The following VPS37C variants were observed in gnomAD, a reference collection of about 807,000 sequenced individuals.
VPS37C encodes the protein VPS37C subunit of ESCRT-I, also known as vacuolar protein sorting-associated protein 37C.
A neutral mutation model predicts 16.1 loss-of-function variants in VPS37C; 9 were observed. The ratio of observed to expected loss-of-function variants is 0.56; its 90% CI spans 0.34 to 0.97. VPS37C has a LOEUF of 0.97. Among genes scored for constraint, VPS37C ranks in the 50% least tolerant of loss-of-function variants. VPS37C has a pLI of 0.02. For synonymous variants in VPS37C, 207 were observed against 206.4 expected (o/e 1.00, Z -0.02); for missense variants, 479 against 472.7 (o/e 1.01, Z -0.12).
At chr11:61,144,920 A>T (rs1258286500) in intron 1 of VPS37C, 2 of 152,272 alleles carry the variant, frequency 1.3e-5, no homozygotes, top group African/African-American at 2.4e-5. Context: ...AACATGTCCC[A>T]AATGAGGAGT....
chr11:61,145,868 G>A (rs1251261118), intron 1 of VPS37C, among the ~76,000 whole-genome samples: 1 of 152,210 alleles, frequency 6.6e-6, no homozygotes, highest in Non-Finnish European at 1.5e-5. Flanking sequence ...AACTACCTGG[G>A]CCCCTCAGTA....
intron 1 of VPS37C, among the ~76,000 whole-genome samples, chr11:61,139,963 G>A (rs986169895): frequency 3.3e-5 from 5 of 152,082 alleles, no homozygotes; most frequent in Non-Finnish European, 5.9e-5. Flanking sequence ...GGCTGGTCTC[G>A]AACTACTGGG....
At chr11:61,155,267 T>A (rs1225968053) in intron 1 of VPS37C, among the ~76,000 whole-genome samples, 1 of 152,138 alleles carries the variant, frequency 6.6e-6, no homozygotes, top group East Asian at 1.9e-4. Context: ...TAGGATCACT[T>A]GAGGCCAGGA....
At position 61,130,393 on chromosome 11, in the gene VPS37C, T is replaced by G. The variant is rs1861230627; in HGVS notation, c.*1427A>C. On this transcript the variant is annotated 3_prime_UTR_variant, in exon 5 of 5. Transcript: ENST00000301765. ...AAATAACTTAGGAGAAGCAAGCACATTTGGTAAAGAACCGGCAGCGCTGAC... is the reference window on the plus strand; with the variant it reads ...AAATAACTTAGGAGAAGCAAGCACAGTTGGTAAAGAACCGGCAGCGCTGAC... 6.3e-6 allele frequency: 1 copy of G among 159,328 alleles called. No homozygotes were observed. Among genetic ancestry groups the G allele is most frequent in the African/African-American group, 2.4e-5 (1 of 41,498 alleles). The allele number at this position is 159,328 out of a possible 1,614,324, so 9.9% of individuals were successfully genotyped here.
chr11:61,133,969 TG>T, intron 3 of VPS37C, 66 bp downstream of exon 3: 1 of 1,543,430 alleles, frequency 6.5e-7, no homozygotes, highest in Non-Finnish European at 8.8e-7. Context: ...AGCACAGGGC[TG>T]GGAACACGGT....
In VPS37C at chr11:61,131,079, T is replaced by C; in HGVS notation, c.*741A>G. On this transcript the variant is annotated 3_prime_UTR_variant, in exon 5 of 5. Transcript: ENST00000301765. Reference sequence around the variant, plus strand: ...TGACCACAATCTCCAGGGCTAGAGCTGCCCGCTTCCCTCTGGCCAGAGGGC... The same window carrying C: ...TGACCACAATCTCCAGGGCTAGAGCCGCCCGCTTCCCTCTGGCCAGAGGGC... 3.7e-6 allele frequency: 1 copy of C among 272,256 alleles called. No homozygotes were observed. The highest frequency in any genetic ancestry group is 3.2e-5 in the South Asian group (1 of 31,402). The allele number at this position is 272,256 out of a possible 1,614,324, so 16.9% of individuals were successfully genotyped here.
chr11:61,132,143 G>A lies in VPS37C; in HGVS notation c.745C>T (p.Gln249Ter), dbSNP rs1244888849. The change falls in exon 5 of 5, where the codon CAG becomes TAG. Residue 249 changes from glutamine to a stop codon, truncating the protein, a stop_gained. Coordinates refer to ENST00000301765, the MANE Select transcript of VPS37C (RefSeq NM_017966.5). LOFTEE classifies it low-confidence loss of function (END_TRUNC). ...GPLGPTYPAA[Q>*]LGPRGAAGYS... ...CCCGCAGCACCCCTGGGTCCAAGCT[G>A]GGCTGCCGGGTAAGTGGGGCCCAGA... The A allele has an allele frequency of 6.9e-7, 1 of 1,450,378 alleles. No homozygotes were observed. 89.8% of individuals were successfully genotyped at this position (1,450,378 alleles called of 1,614,324 possible).
At chr11:61,141,808 C>T (rs983704997) in intron 1 of VPS37C, among the ~76,000 whole-genome samples, 2 of 152,254 alleles carry the variant, frequency 1.3e-5, no homozygotes, top group African/African-American at 4.8e-5. Context: ...CACCACTGAG[C>T]ATCTGCTCAC....
chr11:61,142,696 T>C (rs907825329), intron 1 of VPS37C, among the ~76,000 whole-genome samples: 1 of 150,652 alleles, frequency 6.6e-6, no homozygotes, highest in Non-Finnish European at 1.5e-5. Flanking sequence ...TTATGAAAAC[T>C]ACTCTAACCT....
intron 1 of VPS37C, among the ~76,000 whole-genome samples, chr11:61,157,192 T>A (rs919149395): frequency 6.6e-6 from 1 of 152,276 alleles, no homozygotes; most frequent in Non-Finnish European, 1.5e-5. Context: ...ATAATGCTGC[T>A]ACAAACATGG....
chr11:61,149,208 C>T (rs1024098904), intron 1 of VPS37C, among the ~76,000 whole-genome samples: 7 of 152,162 alleles, frequency 4.6e-5, no homozygotes, highest in East Asian at 1.9e-4. Flanking sequence ...ATGGCGTGAA[C>T]CCAGGAGACG....
intron 1 of VPS37C, among the ~76,000 whole-genome samples, chr11:61,155,003 C>T (rs1175507473): frequency 6.6e-6 from 1 of 151,386 alleles, no homozygotes; most frequent in East Asian, 1.9e-4. Context: ...ACTTGGGAGG[C>T]TGAAGTGGGA....
At chr11:61,156,305 G>A (rs767535288) in intron 1 of VPS37C, among the ~76,000 whole-genome samples, 5 of 152,118 alleles carry the variant, frequency 3.3e-5, no homozygotes, top group East Asian at 1.9e-4. Flanking sequence ...AGCAACCCCC[G>A]GCCAGGTGCA....
chr11:61,134,036 C>G lies in VPS37C; in HGVS notation c.265G>C (p.Glu89Gln). Residue 89 changes from glutamate to glutamine, a missense_variant and splice_region_variant, in exon 3 of 5, where the codon GAG (glutamate) becomes CAG (glutamine). Physicochemically the swap from Glu to Gln is conservative, Grantham distance 29 (BLOSUM62 2). Coordinates refer to ENST00000301765, the MANE Select transcript of VPS37C (RefSeq NM_017966.5). ...ERCQEQKAKL[E>Q]KFSSALQPGT... ...TGAGTTCACAGAGGAGCCACCCTAC[C>G]CAGCTTTGCCTTCTGCTCCTGGCAC... 6.2e-7 allele frequency: 1 copy of G among 1,608,886 alleles called. No individual in the cohort carries two copies. Among genetic ancestry groups the G allele is most frequent in the Non-Finnish European group, 8.5e-7 (1 of 1,175,986 alleles).
At chr11:61,160,491 G>T (rs1017575770) in intron 1 of VPS37C, among the ~76,000 whole-genome samples, 6 of 152,158 alleles carry the variant, frequency 3.9e-5, no homozygotes, top group African/African-American at 1.4e-4. Flanking sequence ...CAATAAAGAG[G>T]GTGGAAAAGG....
intron 2 of VPS37C, among the ~76,000 whole-genome samples, chr11:61,135,633 C>G (rs1861357680): frequency 6.6e-6 from 1 of 152,186 alleles, no homozygotes; most frequent in Non-Finnish European, 1.5e-5. Flanking sequence ...TGGGGTTTCC[C>G]TACGTTGCCC....
intron 1 of VPS37C, among the ~76,000 whole-genome samples, chr11:61,153,446 T>TATA (rs1335537328): frequency 1.3e-5 from 2 of 152,136 alleles, no homozygotes; most frequent in African/African-American, 4.8e-5. Flanking sequence ...TTCTTTTTAT[T>TATA]ATAGCAGTGT....
At chr11:61,155,348 A>C (rs1853361799) in intron 1 of VPS37C, among the ~76,000 whole-genome samples, 1 of 151,588 alleles carries the variant, frequency 6.6e-6, no homozygotes, top group Non-Finnish European at 1.5e-5. Flanking sequence ...ATTAAAAAAC[A>C]ACTACCCAGG....
At chr11:61,138,666 T>C in intron 2 of VPS37C, 71 bp downstream of exon 2, 2 of 1,434,018 alleles carry the variant, frequency 1.4e-6, no homozygotes, top group Non-Finnish European at 2.0e-6. Context: ...TAAGCCAGCA[T>C]CCTTAAAAAG....
Sources: allele counts gnomAD v4.1 joint callset (sites outside exome capture counted in the v4.1 genomes callset), GRCh38; gene constraint gnomAD v4.1.1; transcripts MANE v1.5; gene names NCBI Gene and HGNC (gene_info 2026-07-23, HGNC 2026-07-21).